The following RAB20 variants were observed in gnomAD, a reference collection of about 807,000 sequenced individuals.
RAB20 encodes the protein RAB20, member RAS oncogene family.
RAB20 carries 2 observed loss-of-function variants against 3.7 expected under a neutral mutation model. That is an observed-to-expected ratio of 0.54 (90% confidence interval 0.22 to 1.69). The LOEUF (loss-of-function observed/expected upper bound fraction) is 1.69. Ranked by LOEUF, RAB20 falls within the 40% of genes most tolerant of loss-of-function variation. RAB20 has a pLI of 0.19. For synonymous variants in RAB20, 126 were observed against 130.8 expected, an observed-to-expected ratio of 0.96 and a Z score of 0.25; for missense variants, 276 against 311.9, an observed-to-expected ratio of 0.88 and a Z score of 0.87.
intron 1 of RAB20, among the ~76,000 whole-genome samples, chr13:110,554,424 GA>G (rs1164493195): frequency 6.6e-6 from 1 of 152,180 alleles, no homozygotes; most frequent in African/African-American, 2.4e-5. Flanking sequence ...ACTGGAAGGA[GA>G]GAGGTGGGGG....
At chr13:110,530,903 T>C (rs1186165457) in intron 1 of RAB20, among the ~76,000 whole-genome samples, 1 of 152,224 alleles carries the variant, frequency 6.6e-6, no homozygotes, top group Non-Finnish European at 1.5e-5. Flanking sequence ...AAAGAGCTAA[T>C]TCCACTCACT....
At chr13:110,539,563 TG>T (rs199584278) in intron 1 of RAB20, among the ~76,000 whole-genome samples, 30,959 of 144,198 alleles carry the variant, frequency 0.21, 3,902 homozygotes, top group Middle Eastern at 0.31. Context: ...TTGGGTTTTT[TG>T]TTTTTTTTTT....
intron 1 of RAB20, 32 bp downstream of exon 1, chr13:110,561,316 G>T: frequency 1.9e-6 from 3 of 1,557,446 alleles, no homozygotes; most frequent in Admixed American, 1.9e-5. Context: ...CGGAGCCCCA[G>T]GGCGGTGTGG....
At chr13:110,534,296 G>A (rs183516449) in intron 1 of RAB20, among the ~76,000 whole-genome samples, 1 of 152,300 alleles carries the variant, frequency 6.6e-6, no homozygotes, top group Admixed American at 6.5e-5. Context: ...TTTCTCTGGG[G>A]AAGCCTGGCT....
chr13:110,535,038 T>C (rs982751767), intron 1 of RAB20, among the ~76,000 whole-genome samples: 2 of 152,112 alleles, frequency 1.3e-5, no homozygotes, highest in Non-Finnish European at 2.9e-5. Flanking sequence ...CTCACTAAGT[T>C]GCCCAGCCTG....
chr13:110,551,368 C>T (rs1454518022), intron 1 of RAB20, among the ~76,000 whole-genome samples: 1 of 152,160 alleles, frequency 6.6e-6, no homozygotes, highest in Non-Finnish European at 1.5e-5. Context: ...GCTGTAAGCA[C>T]CTGTGAGAAC....
Position 110,524,142 on chromosome 13 carries a change from G to A in RAB20, c.228C>T (p.Ile76=). ...GGTGATTCACATCATAGGTGAGGAT[G>A]ATGGCGGCCGCCCCCCGGCAGTACA... ...GSMYCRGAAA[I]ILTYDVNHRQ... The change falls in exon 2 of 2, where the codon ATC becomes ATT. Residue 76 remains isoleucine (I), a synonymous_variant. Coordinates refer to ENST00000267328, the MANE Select transcript of RAB20 (RefSeq NM_017817.3). 6.2e-7 allele frequency: 1 copy of A among 1,608,600 alleles called. No individual in the cohort carries two copies. Among genetic ancestry groups the A allele is most frequent in the Non-Finnish European group, 8.5e-7 (1 of 1,179,864 alleles).
At position 110,549,801 on chromosome 13, in the gene RAB20, A is replaced by C. The variant is rs181262989; in HGVS notation, c.172+11547T>G. Among the ~76,000 whole-genome samples, 352 of 151,656 alleles carry C rather than the reference A, an allele frequency of 2.3e-3. 3 individuals carry two copies. Among genetic ancestry groups the C allele is most frequent in the African/African-American group, 8.1e-3 (334 of 41,340 alleles). On this transcript the variant is annotated intron_variant, in intron 1 of 1. Transcript: ENST00000267328. The stretch of plus-strand genomic sequence containing the variant: ...AGTGGCACAATCTCAGCTCACTGCA[A>C]CCTCTGCCGCCTCCTGGGTTCGAAC...
intron 1 of RAB20, among the ~76,000 whole-genome samples, chr13:110,540,379 C>G (rs1355132528): frequency 6.6e-6 from 1 of 152,238 alleles, no homozygotes; most frequent in Non-Finnish European, 1.5e-5. Context: ...CAGCTCTTTT[C>G]AAAGCACATT....
chr13:110,541,540 A>C (rs529602874), intron 1 of RAB20, among the ~76,000 whole-genome samples: 1 of 152,308 alleles, frequency 6.6e-6, no homozygotes, highest in South Asian at 2.1e-4. Flanking sequence ...TTCCAGTGAC[A>C]ATGTCAATTT....
intron 1 of RAB20, among the ~76,000 whole-genome samples, chr13:110,524,448 A>C (rs913357268): frequency 6.6e-6 from 1 of 152,136 alleles, no homozygotes; most frequent in Admixed American, 6.5e-5. Flanking sequence ...ATGTTCAGGA[A>C]GAACGGGCCT....
In RAB20 at chr13:110,561,329, C is replaced by T; in HGVS notation, c.172+19G>A. On this transcript the variant is annotated intron_variant, in intron 1 of 1. Coordinates refer to ENST00000267328, the MANE Select transcript of RAB20 (RefSeq NM_017817.3). ...GGCGGAGCCCCAGGGCGGTGTGGCTCATGCGGCGCCGGCCTCACCTGCGGT... is the reference window on the plus strand; with the variant it reads ...GGCGGAGCCCCAGGGCGGTGTGGCTTATGCGGCGCCGGCCTCACCTGCGGT... 6.3e-7 allele frequency: 1 copy of T among 1,577,468 alleles called. No individual in the cohort carries two copies. Among genetic ancestry groups the T allele is most frequent in the Non-Finnish European group, 8.6e-7 (1 of 1,163,534 alleles).
chr13:110,554,653 G>A (rs1885009471), intron 1 of RAB20, among the ~76,000 whole-genome samples: 1 of 152,142 alleles, frequency 6.6e-6, no homozygotes, highest in Non-Finnish European at 1.5e-5. Context: ...TCCTCTCCTG[G>A]GCTGCACTGC....
chr13:110,532,036 T>C (rs1463609512), intron 1 of RAB20, among the ~76,000 whole-genome samples: 4 of 152,140 alleles, frequency 2.6e-5, no homozygotes, highest in Non-Finnish European at 5.9e-5. Context: ...GTTTTCACTA[T>C]TGGTTTAAAT....
At chr13:110,543,247 G>A (rs894448204) in intron 1 of RAB20, among the ~76,000 whole-genome samples, 2 of 151,998 alleles carry the variant, frequency 1.3e-5, no homozygotes, top group African/African-American at 4.8e-5. Flanking sequence ...TCCTGCCTCA[G>A]CCTCCCACGT....
chr13:110,550,766 C>G (rs1041088967), intron 1 of RAB20, among the ~76,000 whole-genome samples: 16 of 152,116 alleles, frequency 1.1e-4, no homozygotes, highest in African/African-American at 3.9e-4. Flanking sequence ...AGGTTTTGGG[C>G]TGTAATTAGA....
rs533129184 is a variant in RAB20, at chr13:110,555,267, C to A, written c.172+6081G>T. Among the ~76,000 whole-genome samples, 7 of 152,308 alleles carry A rather than the reference C, an allele frequency of 4.6e-5. No individual in the cohort carries two copies. The South Asian group carries it at 1.5e-3, about 32-fold the overall frequency. On this transcript the variant is annotated intron_variant, in intron 1 of 1. Transcript: ENST00000267328. The surrounding 1 kb of genome is among the most constrained non-coding windows in gnomAD (Gnocchi z 4.0). ...CCACAAACCTCCAACTACTCTAACG[C>A]GCCGGAATAGAACTCAAATGAGGCT...
chr13:110,553,996 T>C (rs543733338), intron 1 of RAB20, among the ~76,000 whole-genome samples: 46 of 152,228 alleles, frequency 3.0e-4, no homozygotes, highest in African/African-American at 1.1e-3. Context: ...ACACCTGTGG[T>C]CCCAGCTACT....
intron 1 of RAB20, among the ~76,000 whole-genome samples, chr13:110,526,544 T>A (rs1884433945): frequency 6.6e-6 from 1 of 152,174 alleles, no homozygotes; most frequent in South Asian, 2.1e-4. Context: ...GTGGACAGTG[T>A]CGACCACTAG....
Sources: allele counts gnomAD v4.1 joint callset (sites outside exome capture counted in the v4.1 genomes callset), GRCh38; gene constraint gnomAD v4.1.1; non-coding constraint Gnocchi (gnomAD v3.1); transcripts MANE v1.5; gene names NCBI Gene and HGNC (gene_info 2026-07-23, HGNC 2026-07-21).